Variants in JAKMIP1 observed in about 807,000 individuals in gnomAD.
JAKMIP1 encodes the protein janus kinase and microtubule-interacting protein 1.
JAKMIP1 carries 33 observed loss-of-function variants against 113.0 expected under a neutral mutation model. The observed-to-expected ratio is 0.29, with a 90% confidence interval of 0.22 to 0.39. The LOEUF is 0.39. JAKMIP1 is among the 10% of genes least tolerant of loss of function. The pLI is 1.00. For synonymous variants in JAKMIP1, 480 were observed against 459.9 expected, an observed-to-expected ratio of 1.04 and a Z score of -0.56; for missense variants, 813 against 1,080.5, an observed-to-expected ratio of 0.75 and a Z score of 3.47.
intron 1 of JAKMIP1, among the ~76,000 whole-genome samples, chr4:6,189,021 G>A (rs533071561): frequency 6.6e-6 from 1 of 152,172 alleles, no homozygotes; most frequent in Non-Finnish European, 1.5e-5. Context: ...AATTACTGCC[G>A]GGCATAATGA....
chr4:6,032,407 T>A (rs1014195413), intron 19 of JAKMIP1, among the ~76,000 whole-genome samples: 1 of 152,186 alleles, frequency 6.6e-6, no homozygotes. Context: ...TCTGATGACC[T>A]GGGTTCACAG....
intron 1 of JAKMIP1, among the ~76,000 whole-genome samples, chr4:6,148,737 C>T (rs1721187379): frequency 6.6e-6 from 1 of 152,240 alleles, no homozygotes; most frequent in Non-Finnish European, 1.5e-5. Context: ...AACTCCCACC[C>T]GCACACCCAT....
At chr4:6,133,813 C>G (rs73198078) in intron 1 of JAKMIP1, among the ~76,000 whole-genome samples, 26,653 of 152,156 alleles carry the variant, frequency 0.18, 2,682 homozygotes, top group Middle Eastern at 0.26. Context: ...CTAGACCTGA[C>G]CTGTGTCACT....
chr4:6,197,644 C>T lies in JAKMIP1; in HGVS notation c.-148+2609G>A, dbSNP rs973636097. Among the ~76,000 whole-genome samples, 1 of 152,224 alleles carries T rather than the reference C, an allele frequency of 6.6e-6. No individual in the cohort carries two copies. Among genetic ancestry groups the T allele is most frequent in the Non-Finnish European group, 1.5e-5 (1 of 68,038 alleles). ...TGGGGAGAGGAGTGACCCAGCAGAA[C>T]TGGGACACACTGCAGTCATCCTCAG... On this transcript the variant is annotated intron_variant, in intron 1 of 20. Transcript: ENST00000409021. This position sits in a 1 kb window ranked among gnomAD's most constrained non-coding sequence, Gnocchi z 6.5.
At chr4:6,151,980 C>T (rs1380597018) in intron 1 of JAKMIP1, among the ~76,000 whole-genome samples, 2 of 152,086 alleles carry the variant, frequency 1.3e-5, no homozygotes, top group Non-Finnish European at 2.9e-5. Flanking sequence ...GTAACCACTA[C>T]GGGGCTCGCC....
At chr4:6,078,663 A>G (rs1720036067) in intron 8 of JAKMIP1, among the ~76,000 whole-genome samples, 1 of 152,186 alleles carries the variant, frequency 6.6e-6, no homozygotes, top group Admixed American at 6.5e-5. Flanking sequence ...TTAAGTATTT[A>G]TGTTTTTAAT....
In JAKMIP1 at chr4:6,191,478, G is replaced by A. The variant is rs578190148; in HGVS notation, c.-148+8775C>T. Among the ~76,000 whole-genome samples the A allele has an allele frequency of 2.6e-5, 4 of 152,378 alleles. No homozygotes were observed. In the East Asian group the frequency reaches 7.7e-4, roughly 29 times the overall value. Reference sequence around the variant, plus strand: ...CCTTGCCACCCCTTGTCCTCATGGGGACCCAGATCCTCGCAGCGCACAAGG... The same window carrying A: ...CCTTGCCACCCCTTGTCCTCATGGGAACCCAGATCCTCGCAGCGCACAAGG... On this transcript the variant is annotated intron_variant, in intron 1 of 20. Transcript: ENST00000409021.
Position 6,048,895 on chromosome 4 carries a change from T to C in JAKMIP1, c.1990A>G (p.Ile664Val). Residue 664 changes from isoleucine (I) to valine (V), a missense_variant, in exon 16 of 21, where the codon ATA (isoleucine) becomes GTA (valine). Physicochemically the swap from Ile to Val is conservative, Grantham distance 29 (BLOSUM62 3). This residue lies in a region of JAKMIP1 where 273 missense variants were observed against 426.6 expected (regional missense o/e 0.64). Coordinates refer to ENST00000409021, the MANE Select transcript of JAKMIP1 (RefSeq NM_001099433.2). ...GNLRNEEQVAIIQAGTVLALC... is the reference protein window; with the variant it reads ...GNLRNEEQVAVIQAGTVLALC... ...GCAAGCACAGTTCCAGCTTGGATTA[T>C]TGCAACCTGTTCTTCATTTCTCAAA... 6.2e-7 allele frequency: 1 copy of C among 1,614,000 alleles called. No individual in the cohort carries two copies. The highest frequency in any genetic ancestry group is 1.7e-5 in the Admixed American group (1 of 60,032).
Position 6,088,450 on chromosome 4 carries a change from G to A in JAKMIP1, c.625-2821C>T, listed in dbSNP as rs959463878. ...CTAGCTCCCCACAAAAGACAGCACC[G>A]TCGCGAGCAAGACATCTCCAGGATC... On this transcript the variant is annotated intron_variant, in intron 3 of 20. Transcript: ENST00000409021. This position sits in a 1 kb window ranked among gnomAD's most constrained non-coding sequence, Gnocchi z 5.5. 2.0e-5 allele frequency among the ~76,000 whole-genome samples: 3 copies of A among 152,124 alleles called. No individual in the cohort carries two copies. Among genetic ancestry groups the A allele is most frequent in the Non-Finnish European group, 2.9e-5 (2 of 68,026 alleles).
At position 6,178,805 on chromosome 4, in the gene JAKMIP1, C is replaced by G. The variant is rs890810924; in HGVS notation, c.-148+21448G>C. ...TGTCTCCAGAGAGGCTTCCACTGAC[C>G]TCATCCCCACACAAACCTCCCCCAT... On this transcript the variant is annotated intron_variant, in intron 1 of 20. Coordinates refer to ENST00000409021, the MANE Select transcript of JAKMIP1 (RefSeq NM_001099433.2). The surrounding 1 kb of genome is among the most constrained non-coding windows in gnomAD (Gnocchi z 5.5). Among the ~76,000 whole-genome samples, 19 of 152,306 alleles carry G rather than the reference C, an allele frequency of 1.2e-4. No individual in the cohort carries two copies. Among genetic ancestry groups the G allele is most frequent in the African/African-American group, 4.6e-4 (19 of 41,568 alleles).
In JAKMIP1 at chr4:6,179,263, C is replaced by T. The variant is rs1329118198; in HGVS notation, c.-148+20990G>A. On this transcript the variant is annotated intron_variant, in intron 1 of 20. Transcript: ENST00000409021. The surrounding 1 kb of genome is among the most constrained non-coding windows in gnomAD (Gnocchi z 4.5). ...GCCCCAGATTCACTAACTCTAACCC[C>T]TAAATGACTGCTTAACCTCGTGGGG... Among the ~76,000 whole-genome samples, 1 of 152,214 alleles carries T rather than the reference C, an allele frequency of 6.6e-6. No individual in the cohort carries two copies. The highest frequency in any genetic ancestry group is 2.4e-5 in the African/African-American group (1 of 41,450).
rs919911774 is a variant in JAKMIP1, at chr4:6,086,179, C to T, written c.625-550G>A. On this transcript the variant is annotated intron_variant, in intron 3 of 20. Coordinates refer to ENST00000409021, the MANE Select transcript of JAKMIP1 (RefSeq NM_001099433.2). The surrounding 1 kb of genome is among the most constrained non-coding windows in gnomAD (Gnocchi z 4.1). ...ACTCCCAGACTCACGACCTCCTGCT[C>T]CCTCTCCCCAAGGCCACTTCCCATG... 6.6e-6 allele frequency among the ~76,000 whole-genome samples: 1 copy of T among 152,130 alleles called. No individual in the cohort carries two copies. Among genetic ancestry groups the T allele is most frequent in the African/African-American group, 2.4e-5 (1 of 41,436 alleles).
intron 1 of JAKMIP1, among the ~76,000 whole-genome samples, chr4:6,127,418 G>C (rs538764200): frequency 2.0e-5 from 3 of 152,238 alleles, no homozygotes; most frequent in Non-Finnish European, 4.4e-5. Context: ...GGAGATGGGA[G>C]AGACTGTGCC....
chr4:6,181,349 G>A lies in JAKMIP1; in HGVS notation c.-148+18904C>T, dbSNP rs1725997097. On this transcript the variant is annotated intron_variant, in intron 1 of 20. Coordinates refer to ENST00000409021, the MANE Select transcript of JAKMIP1 (RefSeq NM_001099433.2). The surrounding 1 kb of genome is among the most constrained non-coding windows in gnomAD (Gnocchi z 5.4). ...GCTCGAAGAGTAACACTAATTACAGGCCTGGAGTACATAAACCAAGATGAG... is the reference window on the plus strand; with the variant it reads ...GCTCGAAGAGTAACACTAATTACAGACCTGGAGTACATAAACCAAGATGAG... Among the ~76,000 whole-genome samples, 1 of 152,128 alleles carries A rather than the reference G, an allele frequency of 6.6e-6. No individual in the cohort carries two copies. Among genetic ancestry groups the A allele is most frequent in the African/African-American group, 2.4e-5 (1 of 41,436 alleles).
At chr4:6,122,050 A>C (rs760753081) in intron 1 of JAKMIP1, among the ~76,000 whole-genome samples, 3 of 152,212 alleles carry the variant, frequency 2.0e-5, no homozygotes, top group Non-Finnish European at 4.4e-5. Context: ...GGCATTTAAA[A>C]TAGCATAGAC....
At position 6,168,772 on chromosome 4, in the gene JAKMIP1, C is replaced by T. The variant is rs540189245; in HGVS notation, c.-148+31481G>A. Among the ~76,000 whole-genome samples the T allele has an allele frequency of 6.6e-6, 1 of 152,026 alleles. No homozygotes were observed. The highest frequency in any genetic ancestry group is 2.1e-4 in the South Asian group (1 of 4,806). The stretch of plus-strand genomic sequence containing the variant: ...AAAATTAGCCAGGCCTGGTGGCATG[C>T]CCCTGTGGTCCCAGCTACTTGGGAG... On this transcript the variant is annotated intron_variant, in intron 1 of 20. Transcript: ENST00000409021. The surrounding 1 kb of genome is among the most constrained non-coding windows in gnomAD (Gnocchi z 4.6).
intron 19 of JAKMIP1, among the ~76,000 whole-genome samples, chr4:6,032,660 CACAAA>C (rs10572045): frequency 0.29 from 42,699 of 149,156 alleles, 6,124 homozygotes; most frequent in Admixed American, 0.32. Flanking sequence ...AACAACACAA[CACAAA>C]ACAAAACAAA....
At position 6,159,288 on chromosome 4, in the gene JAKMIP1, C is replaced by CG. The variant is rs534742217; in HGVS notation, c.-148+40964_-148+40965insC. On this transcript the variant is annotated intron_variant, in intron 1 of 20. Transcript: ENST00000409021. ...TACAAACAGAGAAACCACAAATCTGCTAAAAAAAAAATACTTAAAGACTCT... is the reference window on the plus strand; with the variant it reads ...TACAAACAGAGAAACCACAAATCTGCGTAAAAAAAAAATACTTAAAGACTCT... Among the ~76,000 whole-genome samples the CG allele has an allele frequency of 6.3e-4, 35 of 55,992 alleles. No homozygotes were observed. The East Asian group carries it at 0.12, about 189-fold the overall frequency. The allele number at this position is 55,992 out of a possible 152,430, so 36.7% of individuals were successfully genotyped here.
chr4:6,104,345 A>G (rs528860558), intron 3 of JAKMIP1, among the ~76,000 whole-genome samples: 1 of 150,210 alleles, frequency 6.7e-6, no homozygotes, highest in East Asian at 1.9e-4. Flanking sequence ...TAGTGTTGAT[A>G]ATTTTTTTCT....
Sources: allele counts gnomAD v4.1 joint callset (sites outside exome capture counted in the v4.1 genomes callset), GRCh38; gene constraint gnomAD v4.1.1; regional missense constraint gnomAD v4.1.1; non-coding constraint Gnocchi (gnomAD v3.1); transcripts MANE v1.5; gene names NCBI Gene and HGNC (gene_info 2026-07-23, HGNC 2026-07-21).